NBEAL1: variants seen among roughly 807,000 people sequenced by gnomAD.
NBEAL1 encodes the protein neurobeachin like 1, also known as neurobeachin-like protein 1.
Under a neutral mutation model 351.3 loss-of-function variants are expected in NBEAL1, and 273 were observed. The observed-to-expected ratio is 0.78, with a 90% confidence interval of 0.70 to 0.86. The LOEUF (loss-of-function observed/expected upper bound fraction) is 0.86. Among genes scored for constraint, NBEAL1 ranks in the 40% least tolerant of loss-of-function variants. The probability of loss-of-function intolerance (pLI) is 0.00; values close to 1 mark genes in which losing one functional copy is unlikely to be tolerated. For missense variants in NBEAL1, 2,961 were observed against 3,201.3 expected (o/e 0.92, Z 1.81); for synonymous variants, 1,050 against 1,086.4 (o/e 0.97, Z 0.66).
chr2:203,221,674 A>G lies in NBEAL1; in HGVS notation c.*4320A>G, dbSNP rs1575144369. Among the ~76,000 whole-genome samples, 2 of 152,186 alleles carry G rather than the reference A, an allele frequency of 1.3e-5. No homozygotes were observed. Among genetic ancestry groups the G allele is most frequent in the East Asian group, 3.8e-4 (2 of 5,200 alleles). On this transcript the variant is annotated 3_prime_UTR_variant, in exon 56 of 56. Coordinates refer to ENST00000683969, the MANE Select transcript of NBEAL1 (RefSeq NM_001378026.1). ...TTAAACATTTTCATCACTCTTTAACAAAATCCATTCTCAATATTCTTTTTG... is the reference window on the plus strand; with the variant it reads ...TTAAACATTTTCATCACTCTTTAACGAAATCCATTCTCAATATTCTTTTTG...
At chr2:203,090,109 AAATT>A (rs2062036339) in intron 10 of NBEAL1, among the ~76,000 whole-genome samples, 1 of 152,230 alleles carries the variant, frequency 6.6e-6, no homozygotes, top group Admixed American at 6.5e-5. Context: ...ATGCACATTT[AAATT>A]AATTATTACC....
rs201115352 is a variant in NBEAL1 at position 203,140,513 on chromosome 2, GT to G, written c.4848+1774del. ...CTCATTTCCCTGTGTTACTAATAGG[GT>G]TTTTTTTTCCTTTCATCCTAAAAGT... On this transcript the variant is annotated intron_variant, in intron 31 of 55. Coordinates refer to ENST00000683969, the MANE Select transcript of NBEAL1 (RefSeq NM_001378026.1). 7.6e-3 allele frequency among the ~76,000 whole-genome samples: 1,136 copies of G among 150,184 alleles called. 7 individuals carry two copies. Among genetic ancestry groups the G allele is most frequent in the Middle Eastern group, 0.034 (10 of 292 alleles).
intron 10 of NBEAL1, among the ~76,000 whole-genome samples, chr2:203,087,913 G>T (rs1242620309): frequency 6.6e-6 from 1 of 152,164 alleles, no homozygotes; most frequent in Non-Finnish European, 1.5e-5. Context: ...GATTAAATTT[G>T]CAGTTGGTTG....
intron 27 of NBEAL1, among the ~76,000 whole-genome samples, chr2:203,135,080 G>A (rs2063168695): frequency 1.3e-5 from 2 of 151,776 alleles, no homozygotes; most frequent in Admixed American, 1.3e-4. Context: ...GGAGGCTGAG[G>A]CAGGAGAGTT....
intron 55 of NBEAL1, 127 bp downstream of exon 55, chr2:203,213,780 A>G (rs1161101835): frequency 6.6e-6 from 10 of 1,520,270 alleles, no homozygotes; most frequent in Non-Finnish European, 8.8e-6. Context: ...TGATTTTTCA[A>G]AAGGCAGTAA....
At chr2:203,063,628 T>C (rs1164439067) in intron 6 of NBEAL1, among the ~76,000 whole-genome samples, 1 of 152,168 alleles carries the variant, frequency 6.6e-6, no homozygotes, top group Non-Finnish European at 1.5e-5. Context: ...TGTTCATTCA[T>C]TTAAACATTG....
At chr2:203,078,325 G>T (rs1312712210) in intron 8 of NBEAL1, among the ~76,000 whole-genome samples, 2 of 151,928 alleles carry the variant, frequency 1.3e-5, no homozygotes, top group Non-Finnish European at 2.9e-5. Flanking sequence ...AAGCATCTAA[G>T]TGCTGTCATA....
intron 49 of NBEAL1, among the ~76,000 whole-genome samples, chr2:203,200,235 G>A (rs938654581): frequency 1.3e-5 from 2 of 152,062 alleles, no homozygotes; most frequent in Non-Finnish European, 2.9e-5. Flanking sequence ...AAAATTGGCC[G>A]GGTGTGGTGG....
At chr2:203,018,745 TCA>T (rs1249468249) in intron 2 of NBEAL1, among the ~76,000 whole-genome samples, 3 of 152,184 alleles carry the variant, frequency 2.0e-5, no homozygotes, top group South Asian at 4.1e-4. Context: ...TCATGTTCAG[TCA>T]CAGTTTATGT....
intron 27 of NBEAL1, among the ~76,000 whole-genome samples, chr2:203,135,308 T>C (rs2063175007): frequency 6.6e-6 from 1 of 152,192 alleles, no homozygotes. Context: ...GCCTAGCACA[T>C]AGTAGGTGTG....
Position 203,057,399 on chromosome 2 carries a change from C to T in NBEAL1, c.461C>T (p.Ala154Val). The part of the protein sequence containing the change: ...CIEEFVIHAL[A>V]FCESLYDPYR... Reference sequence around the variant, plus strand: ...GAAGAATTTGTGATCCACGCATTGGCATTTTGTGAAAGCTTATATGATCCA... The same window carrying T: ...GAAGAATTTGTGATCCACGCATTGGTATTTTGTGAAAGCTTATATGATCCA... The change falls in exon 6 of 56, where the codon GCA (alanine) becomes GTA (valine). Residue 154 changes from alanine to valine, a missense_variant. Physicochemically the swap from Ala to Val is moderately conservative, Grantham distance 64. Coordinates refer to ENST00000683969, the MANE Select transcript of NBEAL1 (RefSeq NM_001378026.1). 1 of 1,552,616 alleles carries T rather than the reference C, an allele frequency of 6.4e-7. No individual in the cohort carries two copies. The highest frequency in any genetic ancestry group is 8.7e-7 in the Non-Finnish European group (1 of 1,146,448).
At position 203,031,667 on chromosome 2, in the gene NBEAL1, T is replaced by TTTGAAAAAGAAATAGACTATC. The variant is rs1380088274; in HGVS notation, c.52-10091_52-10071dup. On this transcript the variant is annotated intron_variant, in intron 2 of 55. Coordinates refer to ENST00000683969, the MANE Select transcript of NBEAL1 (RefSeq NM_001378026.1). ...AATATGAAAAAAGTGACCTGGCAGT[T>TTTGAAAAAGAAATAGACTATC]TTGAAAAAGAAATAGACTATCTTGA... 9.8e-5 allele frequency among the ~76,000 whole-genome samples: 15 copies of TTTGAAAAAGAAATAGACTATC among 152,286 alleles called. No homozygotes were observed. In the South Asian group the frequency reaches 3.1e-3, roughly 32 times the overall value.
At chr2:203,168,280 C>G (rs2064200458) in intron 38 of NBEAL1, among the ~76,000 whole-genome samples, 1 of 152,204 alleles carries the variant, frequency 6.6e-6, no homozygotes, top group Non-Finnish European at 1.5e-5. Flanking sequence ...TTATAACAAC[C>G]ATGAGATTAA....
At chr2:203,086,162 C>G (rs541488470) in intron 10 of NBEAL1, 3 of 152,170 alleles carry the variant, frequency 2.0e-5, no homozygotes, top group African/African-American at 7.2e-5. Flanking sequence ...TGCCAAAATA[C>G]GAAATATGGA....
chr2:203,175,268 A>AT lies in NBEAL1; in HGVS notation c.6446dup (p.Gln2150ProfsTer8), dbSNP rs773265746. On this transcript the variant is annotated frameshift_variant, in exon 42 of 56. Coordinates refer to ENST00000683969, the MANE Select transcript of NBEAL1 (RefSeq NM_001378026.1). LOFTEE classifies it high-confidence loss of function. Reference sequence around the variant, plus strand: ...TGTAGAACCGTTCACCACCCTCCACATCCAACTTCAGAGTGGAAGGTATGT... The same window carrying AT: ...TGTAGAACCGTTCACCACCCTCCACATTCCAACTTCAGAGTGGAAGGTATGT... 3 of 1,613,526 alleles carry AT rather than the reference A, an allele frequency of 1.9e-6. No individual in the cohort carries two copies. The South Asian group carries it at 3.3e-5, about 18-fold the overall frequency.
intron 31 of NBEAL1, among the ~76,000 whole-genome samples, chr2:203,142,021 C>G (rs1220157977): frequency 1.3e-5 from 2 of 152,182 alleles, no homozygotes; most frequent in African/African-American, 4.8e-5. Context: ...CCCTACTCCC[C>G]CTGTTGCCTT....
chr2:203,135,921 T>C lies in NBEAL1; in HGVS notation c.4058T>C (p.Val1353Ala). The C allele has an allele frequency of 6.2e-7, 1 of 1,614,212 alleles. No individual in the cohort carries two copies. Among genetic ancestry groups the C allele is most frequent in the Non-Finnish European group, 8.5e-7 (1 of 1,180,024 alleles). ...ATCACCTCTTTTGCCTCAGCTAATG[T>C]GTCTTCGGATCAGTGGAGTTTGGAG... ...EKITSFASAN[V>A]SSDQWSLEDR... Residue 1353 changes from valine (V) to alanine (A), a missense_variant, in exon 28 of 56, where the codon GTG becomes GCG. Val to Ala is a moderately conservative substitution (Grantham distance 64, BLOSUM62 0). Coordinates refer to ENST00000683969, the MANE Select transcript of NBEAL1 (RefSeq NM_001378026.1).
At chr2:203,090,281 T>C (rs1171230186) in intron 10 of NBEAL1, among the ~76,000 whole-genome samples, 2 of 152,192 alleles carry the variant, frequency 1.3e-5, no homozygotes, top group Non-Finnish European at 1.5e-5. Context: ...AGGTTTTTAG[T>C]GTACCCATTG....
chr2:203,199,233 G>GA (rs1347647440), intron 48 of NBEAL1, 105 bp from the exon 49 acceptor site: 3 of 651,110 alleles, frequency 4.6e-6, no homozygotes, highest in Non-Finnish European at 8.3e-6. Flanking sequence ...CAGTCTCACA[G>GA]TGTTCCCTAA....
Sources: allele counts gnomAD v4.1 joint callset (sites outside exome capture counted in the v4.1 genomes callset), GRCh38; gene constraint gnomAD v4.1.1; transcripts MANE v1.5; gene names NCBI Gene and HGNC (gene_info 2026-07-23, HGNC 2026-07-21).